ACAA2: variants seen among roughly 807,000 people sequenced by gnomAD.
The protein encoded by ACAA2 is 3-ketoacyl-CoA thiolase, mitochondrial.
In ACAA2, 35 loss-of-function variants were observed where a neutral mutation model predicts 44.8. The ratio of observed to expected loss-of-function variants is 0.78; its 90% CI spans 0.60 to 1.04. The LOEUF (loss-of-function observed/expected upper bound fraction) is 1.04, where lower values mean the gene tolerates loss of function less well. Among genes scored for constraint, ACAA2 ranks in the 50% least tolerant of loss-of-function variants. The pLI, the probability that ACAA2 is intolerant of heterozygous loss-of-function variation, is 0.00. For synonymous variants in ACAA2, 142 were observed against 166.5 expected, an observed-to-expected ratio of 0.85 and a Z score of 1.13; for missense variants, 468 against 482.6, an observed-to-expected ratio of 0.97 and a Z score of 0.28.
chr18:49,793,047 A>C (rs995356055), intron 5 of ACAA2, among the ~76,000 whole-genome samples: 11 of 152,230 alleles, frequency 7.2e-5, no homozygotes, highest in African/African-American at 2.7e-4. Flanking sequence ...ATGTAATGGC[A>C]ATAAATGGAC....
chr18:49,783,878 C>T lies in ACAA2; in HGVS notation c.1163G>A (p.Gly388Asp), dbSNP rs759857975. The change falls in exon 10 of 10, where the codon GGT becomes GAT. Residue 388 changes from glycine (G) to aspartate (D), a missense_variant. Physicochemically the swap from Gly to Asp is moderately conservative, Grantham distance 94. Transcript: ENST00000285093. ...TGTGCTCTGAATGATGACAGCAATA[C>T]CTTGGCCACCTCCAATGCAAGCTGA... ...VGSACIGGGQ[G>D]IAVIIQSTA 1.9e-6 allele frequency: 3 copies of T among 1,613,870 alleles called. No homozygotes were observed. The highest frequency in any genetic ancestry group is 2.5e-6 in the Non-Finnish European group (3 of 1,180,014).
intron 7 of ACAA2, 75 bp downstream of exon 7, chr18:49,791,395 T>C: frequency 6.6e-7 from 1 of 1,510,124 alleles, no homozygotes; most frequent in Non-Finnish European, 9.0e-7. Flanking sequence ...TGGCCACTTT[T>C]TCAGGACTCT....
At chr18:49,808,419 T>C (rs1321174036) in intron 1 of ACAA2, among the ~76,000 whole-genome samples, 2 of 152,252 alleles carry the variant, frequency 1.3e-5, no homozygotes, top group Non-Finnish European at 2.9e-5. Flanking sequence ...TTATTCCTAA[T>C]TGTTAAAACT....
At chr18:49,794,471 T>C (rs758468449) in intron 4 of ACAA2, 44 bp from the exon 5 acceptor site, 2 of 1,415,794 alleles carry the variant, frequency 1.4e-6, no homozygotes, top group Admixed American at 5.2e-5. Context: ...GGCATTTCCT[T>C]TTAAAAGTAA....
intron 1 of ACAA2, among the ~76,000 whole-genome samples, chr18:49,812,140 C>T (rs1438825220): frequency 6.6e-6 from 1 of 152,156 alleles, no homozygotes; most frequent in East Asian, 1.9e-4. Context: ...TCAGGAAGGG[C>T]ACTGGCAAAT....
At chr18:49,804,406 T>C (rs997167253) in intron 1 of ACAA2, among the ~76,000 whole-genome samples, 5 of 152,254 alleles carry the variant, frequency 3.3e-5, no homozygotes, top group South Asian at 4.1e-4. Flanking sequence ...TATCTTTTAC[T>C]CTTAGAAAAA....
intron 1 of ACAA2, chr18:49,811,618 C>G (rs938806830): frequency 2.0e-5 from 3 of 152,138 alleles, no homozygotes; most frequent in Admixed American, 6.5e-5. Context: ...CTTCTTTCTT[C>G]CCACCCATCC....
chr18:49,804,472 A>G (rs962737358), intron 1 of ACAA2, among the ~76,000 whole-genome samples: 9 of 152,202 alleles, frequency 5.9e-5, no homozygotes, highest in African/African-American at 1.4e-4. Context: ...CAGTATCTGA[A>G]GTCAGCTAAC....
rs755199067 is a variant in ACAA2 at position 49,787,394 on chromosome 18, T to G, written c.884-33A>C. On this transcript the variant is annotated intron_variant, in intron 7 of 9. Coordinates refer to ENST00000285093, the MANE Select transcript of ACAA2 (RefSeq NM_006111.3). ...ATAATAAAAATCTTCTATAAAAATA[T>G]AGAAATAAATGTCATCTTATATTTA... is the stretch of plus-strand genomic sequence containing the variant. 7 of 1,303,010 alleles carry G rather than the reference T, an allele frequency of 5.4e-6. No individual in the cohort carries two copies. In the East Asian group the frequency reaches 2.0e-4, roughly 38 times the overall value. 80.7% of individuals were successfully genotyped at this position (1,303,010 alleles called of 1,614,324 possible). A position where few individuals can be genotyped will look rare whatever the true frequency, so the allele number is the denominator to read the frequency against.
At chr18:49,791,638 T>C in intron 6 of ACAA2, 39 bp from the exon 7 acceptor site, 2 of 1,600,194 alleles carry the variant, frequency 1.2e-6, no homozygotes, top group East Asian at 2.2e-5. Flanking sequence ...AAGGCTAAAA[T>C]AATCCAGTTA....
At chr18:49,791,445 C>T in intron 7 of ACAA2, 25 bp downstream of exon 7, 1 of 1,598,976 alleles carries the variant, frequency 6.3e-7, no homozygotes. Flanking sequence ...TATTATAGAA[C>T]CAGTTTGTTT....
In ACAA2 at chr18:49,797,508, C is replaced by T. The variant is rs758993415; in HGVS notation, c.270G>A (p.Arg90=). The T allele has an allele frequency of 1.4e-5, 23 of 1,611,908 alleles. No individual in the cohort carries two copies. In the South Asian group the frequency reaches 1.9e-4, roughly 13 times the overall value. ...TGGACTGAAAACCAGAACCACAGAG[C>T]CTATTAATCGTGAGAGCTGGGGTCT... ...PKETPALTIN[R]LCGSGFQSIV... Residue 90 remains arginine, a synonymous_variant, in exon 3 of 10, where the codon AGG becomes AGA. Coordinates refer to ENST00000285093, the MANE Select transcript of ACAA2 (RefSeq NM_006111.3).
In ACAA2 at chr18:49,798,113, G is replaced by A. The variant is rs1485509983; in HGVS notation, c.184-519C>T. Among the ~76,000 whole-genome samples, 8 of 152,178 alleles carry A rather than the reference G, an allele frequency of 5.3e-5. No homozygotes were observed. The East Asian group carries it at 1.3e-3, about 26-fold the overall frequency. Reference sequence around the variant, plus strand: ...GTTGCAGGCTGGAATAACCTAGGAAGCTTTATTAACATACTCATGCTTAAG... The same window carrying A: ...GTTGCAGGCTGGAATAACCTAGGAAACTTTATTAACATACTCATGCTTAAG... On this transcript the variant is annotated intron_variant, in intron 2 of 9. Transcript: ENST00000285093.
chr18:49,792,389 C>T (rs1450338894), intron 5 of ACAA2, 62 bp from the exon 6 acceptor site: 5 of 1,364,830 alleles, frequency 3.7e-6, no homozygotes, highest in African/African-American at 2.9e-5. Context: ...ATAAATCAAA[C>T]ATATTATTCA....
At chr18:49,805,602 C>T (rs1363974417) in intron 1 of ACAA2, among the ~76,000 whole-genome samples, 1 of 151,744 alleles carries the variant, frequency 6.6e-6, no homozygotes, top group Non-Finnish European at 1.5e-5. Flanking sequence ...TTGCTCTGTG[C>T]CCAGGCTAGA....
intron 1 of ACAA2, among the ~76,000 whole-genome samples, chr18:49,805,628 C>G (rs370186600): frequency 1.4e-3 from 220 of 152,006 alleles, no homozygotes; most frequent in African/African-American, 5.2e-3. Flanking sequence ...GTGATGTGAT[C>G]ACAGCTCCCT....
intron 5 of ACAA2, among the ~76,000 whole-genome samples, chr18:49,792,703 C>T (rs2023418394): frequency 6.6e-6 from 1 of 152,140 alleles, no homozygotes; most frequent in South Asian, 2.1e-4. Context: ...TCCTTGACCT[C>T]CCAAAGTGCT....
intron 3 of ACAA2, among the ~76,000 whole-genome samples, chr18:49,797,189 G>A (rs1327308783): frequency 6.6e-6 from 1 of 151,610 alleles, no homozygotes; most frequent in Admixed American, 6.6e-5. Flanking sequence ...ACTACGCTAG[G>A]TATCTCAAAG....
intron 2 of ACAA2, among the ~76,000 whole-genome samples, chr18:49,800,890 TAA>T (rs5824805): frequency 8.3e-5 from 10 of 121,102 alleles, no homozygotes; most frequent in Admixed American, 8.4e-5. Context: ...GAATGATCAA[TAA>T]AAAAAAAAAA....
Sources: gnomAD v4.1 joint callset for allele counts (sites outside exome capture counted in the v4.1 genomes callset) on GRCh38, gnomAD v4.1.1 for gene constraint, MANE v1.5 for transcripts, NCBI Gene and HGNC (gene_info 2026-07-23, HGNC 2026-07-21) for gene names.